ARID1B: variants seen among roughly 807,000 people sequenced by gnomAD.
ARID1B encodes AT-rich interaction domain 1B.
A neutral mutation model predicts 212.3 loss-of-function variants in ARID1B; 30 were observed. The ratio of observed to expected loss-of-function variants is 0.14; its 90% CI spans 0.11 to 0.19. ARID1B has a LOEUF of 0.19. ARID1B is among the 10% of genes least tolerant of loss of function. The pLI, the probability that ARID1B is intolerant of heterozygous loss-of-function variation, is 1.00. For missense variants in ARID1B, 2,891 were observed against 3,204.0 expected, an observed-to-expected ratio of 0.90 and a Z score of 2.36; for synonymous variants, 1,402 against 1,301.7, an observed-to-expected ratio of 1.08 and a Z score of -1.66.
chr6:156,898,205 A>G (rs955898736), intron 2 of ARID1B, among the ~76,000 whole-genome samples: 4 of 151,998 alleles, frequency 2.6e-5, no homozygotes, highest in South Asian at 2.1e-4. Flanking sequence ...CTTGCATGCA[A>G]CCGTCTGGTT....
intron 3 of ARID1B, among the ~76,000 whole-genome samples, chr6:156,907,136 C>G (rs1178902561): frequency 6.6e-6 from 1 of 152,184 alleles, no homozygotes; most frequent in African/African-American, 2.4e-5. Flanking sequence ...TTTGAAACGG[C>G]TGGCTGTTCC....
At chr6:157,039,195 A>C (rs1226452946) in intron 4 of ARID1B, among the ~76,000 whole-genome samples, 2 of 152,142 alleles carry the variant, frequency 1.3e-5, no homozygotes, top group Non-Finnish European at 2.9e-5. Context: ...AAATTTAATA[A>C]GTTGAAACAA....
chr6:156,855,110 A>G (rs985176219), intron 2 of ARID1B, among the ~76,000 whole-genome samples: 54 of 152,342 alleles, frequency 3.5e-4, no homozygotes, highest in Admixed American at 3.1e-3. Context: ...ACTAGTGTCT[A>G]AGTTAACACG....
chr6:156,875,551 A>G (rs562947970), intron 2 of ARID1B, among the ~76,000 whole-genome samples: 1 of 152,348 alleles, frequency 6.6e-6, no homozygotes, highest in African/African-American at 2.4e-5. Flanking sequence ...TCTAGATTTT[A>G]GCATGAGACT....
At chr6:156,835,010 G>A (rs144623067) in intron 2 of ARID1B, among the ~76,000 whole-genome samples, 249 of 152,106 alleles carry the variant, frequency 1.6e-3, no homozygotes, top group African/African-American at 5.6e-3. Flanking sequence ...TGAGGTGGGC[G>A]GACCACGAGG....
chr6:157,029,913 C>T (rs767183972), intron 4 of ARID1B, among the ~76,000 whole-genome samples: 2 of 152,176 alleles, frequency 1.3e-5, no homozygotes, highest in Admixed American at 6.5e-5. Context: ...CAATTGGCTG[C>T]GTGGATGCTT....
chr6:156,778,445 C>T lies in ARID1B; in HGVS notation c.765C>T (p.Asp255=), dbSNP rs1171803835. 3.6e-6 allele frequency: 5 copies of T among 1,407,612 alleles called. No homozygotes were observed. The highest frequency in any genetic ancestry group is 2.9e-5 in the East Asian group (1 of 34,948). 87.2% of individuals were successfully genotyped at this position (1,407,612 alleles called of 1,614,324 possible). ...AKDSAAGGQA[D]PPGPPLLSKP... is the part of the protein sequence containing the mutation. ...ACAGTGCTGCGGGCGGCCAGGCCGA[C>T]CCCCCGGGCCCGCCGCTGCTGAGCA... is the stretch of plus-strand genomic sequence containing the variant. Residue 255 remains aspartate (D), a synonymous_variant, in exon 1 of 20, where the codon GAC becomes GAT. Transcript: ENST00000636930.
At chr6:157,180,863 A>T in intron 11 of ARID1B, 106 bp from the exon 12 acceptor site, 1 of 898,798 alleles carries the variant, frequency 1.1e-6, no homozygotes, top group Non-Finnish European at 1.7e-6. Context: ...GTAGTTTTTA[A>T]TCTCTTCTCT....
intron 4 of ARID1B, among the ~76,000 whole-genome samples, chr6:157,051,309 A>G (rs1033104726): frequency 1.3e-5 from 2 of 152,228 alleles, no homozygotes; most frequent in Non-Finnish European, 2.9e-5. Flanking sequence ...AAGTGAAATA[A>G]AGGAAAATGT....
In ARID1B at chr6:157,190,860, C is replaced by T. The variant is rs1793312713; in HGVS notation, c.4231+650C>T. Among the ~76,000 whole-genome samples the T allele has an allele frequency of 6.7e-6, 1 of 150,214 alleles. No homozygotes were observed. The highest frequency in any genetic ancestry group is 1.5e-5 in the Non-Finnish European group (1 of 67,812). On this transcript the variant is annotated intron_variant, in intron 15 of 19. Coordinates refer to ENST00000636930, the MANE Select transcript of ARID1B (RefSeq NM_001374828.1). The surrounding 1 kb of genome is among the most constrained non-coding windows in gnomAD (Gnocchi z 4.6). The stretch of plus-strand genomic sequence containing the variant: ...GTGGCGCGGTGGGAGAGAGGGAAAG[C>T]GATTTAGACTGAGTGGTCGGGAGGG...
At chr6:156,850,009 G>A (rs1234234632) in intron 2 of ARID1B, among the ~76,000 whole-genome samples, 1 of 148,428 alleles carries the variant, frequency 6.7e-6, no homozygotes, top group South Asian at 2.2e-4. Context: ...GTTCTTGCAC[G>A]GCTGTCTTTG....
chr6:157,044,227 G>T (rs1043229003), intron 4 of ARID1B, among the ~76,000 whole-genome samples: 1 of 152,052 alleles, frequency 6.6e-6, no homozygotes, highest in Non-Finnish European at 1.5e-5. Flanking sequence ...TTAGTCACCC[G>T]TAAATATAAT....
chr6:157,167,311 ACTTTTCTGCTTC>A, intron 9 of ARID1B, 126 bp downstream of exon 9: 1 of 1,181,190 alleles, frequency 8.5e-7, no homozygotes, highest in Non-Finnish European at 1.2e-6. Context: ...GAATCATACT[ACTTTTCTGCTTC>A]TCAGAAACTT....
intron 5 of ARID1B, 131 bp from the exon 6 acceptor site, chr6:157,110,341 A>G: frequency 2.8e-6 from 2 of 709,356 alleles, no homozygotes; most frequent in Non-Finnish European, 5.0e-6. Context: ...ACTCTGAGCT[A>G]TGTCTTTTTT....
chr6:157,070,035 T>C (rs73584004), intron 4 of ARID1B, among the ~76,000 whole-genome samples: 2,448 of 152,244 alleles, frequency 0.016, 70 homozygotes, highest in African/African-American at 0.055. Flanking sequence ...CTTAAAGATA[T>C]GTTGTTGCCT....
rs1328249376 is a variant in ARID1B, at chr6:157,203,017, T to G, written c.5264-849T>G. 6.6e-6 allele frequency among the ~76,000 whole-genome samples: 1 copy of G among 152,208 alleles called. No individual in the cohort carries two copies. Among genetic ancestry groups the G allele is most frequent in the African/African-American group, 2.4e-5 (1 of 41,448 alleles). Reference sequence around the variant, plus strand: ...GTTTATTTTTAAAAGTAATTTTGATTTTTTTATTGTAAAAACAGTATGTAG... The same window carrying G: ...GTTTATTTTTAAAAGTAATTTTGATGTTTTTATTGTAAAAACAGTATGTAG... On this transcript the variant is annotated intron_variant, in intron 18 of 19. Transcript: ENST00000636930. The surrounding 1 kb of genome is among the most constrained non-coding windows in gnomAD (Gnocchi z 4.4).
intron 7 of ARID1B, among the ~76,000 whole-genome samples, chr6:157,134,111 T>G (rs1788741537): frequency 6.6e-6 from 1 of 152,212 alleles, no homozygotes; most frequent in Non-Finnish European, 1.5e-5. Flanking sequence ...TGAGTGCCAC[T>G]GGGAAACTGT....
intron 4 of ARID1B, among the ~76,000 whole-genome samples, chr6:157,016,685 G>A (rs555730367): frequency 6.6e-6 from 1 of 152,332 alleles, no homozygotes; most frequent in African/African-American, 2.4e-5. Context: ...AGTGGGTCCC[G>A]CCTGTGCTCT....
At chr6:156,989,880 G>A (rs1186906319) in intron 4 of ARID1B, among the ~76,000 whole-genome samples, 8 of 152,174 alleles carry the variant, frequency 5.3e-5, no homozygotes, top group Non-Finnish European at 8.8e-5. Flanking sequence ...CCATGTGGGA[G>A]AATGATAGGA....
Sources: allele counts gnomAD v4.1 joint callset (sites outside exome capture counted in the v4.1 genomes callset), GRCh38; gene constraint gnomAD v4.1.1; non-coding constraint Gnocchi (gnomAD v3.1); transcripts MANE v1.5; gene names NCBI Gene and HGNC (gene_info 2026-07-23, HGNC 2026-07-21).